Variants in OSMR observed in about 807,000 individuals in gnomAD.
OSMR encodes the protein oncostatin M receptor, also known as oncostatin-M-specific receptor subunit beta.
OSMR carries 81 observed loss-of-function variants against 99.9 expected under a neutral mutation model. That is an observed-to-expected ratio of 0.81 (90% confidence interval 0.68 to 0.97). OSMR has a LOEUF of 0.97. OSMR is among the 50% of genes least tolerant of loss of function. The probability of loss-of-function intolerance (pLI) is 0.00; values close to 1 mark genes in which losing one functional copy is unlikely to be tolerated. For synonymous variants in OSMR, 406 were observed against 410.4 expected, an observed-to-expected ratio of 0.99 and a Z score of 0.13; for missense variants, 1,099 against 1,153.4, an observed-to-expected ratio of 0.95 and a Z score of 0.68.
At chr5:38,914,468 C>T (rs929309786) in intron 9 of OSMR, among the ~76,000 whole-genome samples, 2 of 152,168 alleles carry the variant, frequency 1.3e-5, no homozygotes, top group African/African-American at 2.4e-5. Flanking sequence ...GGAGATTTCT[C>T]AAAACAGAGC....
At chr5:38,900,395 C>A (rs1744817340) in intron 7 of OSMR, among the ~76,000 whole-genome samples, 1 of 152,172 alleles carries the variant, frequency 6.6e-6, no homozygotes, top group Non-Finnish European at 1.5e-5. Context: ...TGAGTGCCTA[C>A]TTGACTTTTC....
In OSMR at chr5:38,883,809, T is replaced by C; in HGVS notation, c.419-18T>C. ...ATTTTGAGTGCGATTCTAACTTGGCTATTTTTTTTTCTTGCAGTACAAGAT... is the reference window on the plus strand; with the variant it reads ...ATTTTGAGTGCGATTCTAACTTGGCCATTTTTTTTTCTTGCAGTACAAGAT... On this transcript the variant is annotated intron_variant, in intron 4 of 17. Coordinates refer to ENST00000274276, the MANE Select transcript of OSMR (RefSeq NM_003999.3). The C allele has an allele frequency of 6.2e-7, 1 of 1,612,234 alleles. No individual in the cohort carries two copies. The highest frequency in any genetic ancestry group is 8.5e-7 in the Non-Finnish European group (1 of 1,179,964).
chr5:38,919,452 G>A, intron 11 of OSMR: 1 of 856,668 alleles, frequency 1.2e-6, no homozygotes, highest in Non-Finnish European at 1.6e-6. Flanking sequence ...GTCAGTCTTT[G>A]CACCTGGAAA....
At chr5:38,909,297 A>T (rs1039817293) in intron 9 of OSMR, among the ~76,000 whole-genome samples, 1 of 152,222 alleles carries the variant, frequency 6.6e-6, no homozygotes, top group African/African-American at 2.4e-5. Flanking sequence ...AACATATTTG[A>T]GGATATTATT....
At chr5:38,909,935 G>A (rs1270486876) in intron 9 of OSMR, among the ~76,000 whole-genome samples, 4 of 152,332 alleles carry the variant, frequency 2.6e-5, no homozygotes, top group South Asian at 2.1e-4. Context: ...AGAGTGGCAA[G>A]TTGGAGAAAG....
At chr5:38,869,345 C>T (rs1742193596) in intron 2 of OSMR, among the ~76,000 whole-genome samples, 1 of 152,194 alleles carries the variant, frequency 6.6e-6, no homozygotes, top group Admixed American at 6.5e-5. Flanking sequence ...CCCTGACTTC[C>T]TGGTCAGTGC....
At position 38,852,718 on chromosome 5, in the gene OSMR, ATTTTTTTTTT is replaced by A. The variant is rs61559728; in HGVS notation, c.-14+6352_-14+6361del. On this transcript the variant is annotated intron_variant, in intron 1 of 17. Transcript: ENST00000274276. ...GATACATATTGAAACTATTGTTTTC[ATTTTTTTTTT>A]TTTTTTTTTTTTTTTTTTTTGAGAC... 9.7e-3 allele frequency among the ~76,000 whole-genome samples: 683 copies of A among 70,646 alleles called. 8 individuals carry two copies. Among genetic ancestry groups the A allele is most frequent in the African/African-American group, 0.034 (642 of 18,660 alleles). 46.3% of individuals were successfully genotyped at this position (70,646 alleles called of 152,430 possible).
At chr5:38,928,607 A>G (rs899162995) in intron 15 of OSMR, among the ~76,000 whole-genome samples, 2 of 152,082 alleles carry the variant, frequency 1.3e-5, no homozygotes, top group Non-Finnish European at 2.9e-5. Context: ...CCATGATTCA[A>G]TTGCCTCCCA....
At chr5:38,886,002 C>G (rs1303303082) in intron 6 of OSMR, 37 bp from the exon 7 acceptor site, 1 of 1,609,748 alleles carries the variant, frequency 6.2e-7, no homozygotes, top group East Asian at 2.2e-5. Flanking sequence ...AAGTAAAAAC[C>G]TCGTAATGGT....
At chr5:38,929,737 C>A (rs1355602797) in intron 15 of OSMR, among the ~76,000 whole-genome samples, 1 of 152,056 alleles carries the variant, frequency 6.6e-6, no homozygotes, top group Admixed American at 6.6e-5. Flanking sequence ...CCTACATAAA[C>A]CCTAAAGAAA....
In OSMR at chr5:38,917,614, T is replaced by C; in HGVS notation, c.1354T>C (p.Phe452Leu). The change falls in exon 10 of 18, where the codon TTC becomes CTC. Residue 452 changes from phenylalanine to leucine, a missense_variant. Phe to Leu is a conservative substitution (Grantham distance 22, BLOSUM62 0). Coordinates refer to ENST00000274276, the MANE Select transcript of OSMR (RefSeq NM_003999.3). ...LEPGNHTVTL[F>L]WKPLSKLHAN... ...GCCAGGAAATCATACTGTGACCTTA[T>C]TCTGGAAGGTAAGATGTGCAGATTC... 1.2e-6 allele frequency: 2 copies of C among 1,611,564 alleles called. No individual in the cohort carries two copies. Among genetic ancestry groups the C allele is most frequent in the South Asian group, 2.2e-5 (2 of 91,048 alleles).
intron 7 of OSMR, chr5:38,903,665 C>A (rs576114222): frequency 1.8e-6 from 1 of 567,464 alleles, no homozygotes; most frequent in Admixed American, 6.4e-5. Flanking sequence ...CAAGTAGTTT[C>A]TTTTTGTATT....
At chr5:38,851,964 T>C (rs887068969) in intron 1 of OSMR, among the ~76,000 whole-genome samples, 3 of 152,238 alleles carry the variant, frequency 2.0e-5, no homozygotes, top group African/African-American at 4.8e-5. Context: ...CCTTCCACCA[T>C]GACTGTGAGG....
rs145744145 is a variant in OSMR, at chr5:38,910,316, T to C, written c.1285+5813T>C. Among the ~76,000 whole-genome samples, 355 of 152,272 alleles carry C rather than the reference T, an allele frequency of 2.3e-3. 2 individuals carry two copies. Among genetic ancestry groups the C allele is most frequent in the Non-Finnish European group, 3.2e-3 (219 of 68,026 alleles). On this transcript the variant is annotated intron_variant, in intron 9 of 17. Transcript: ENST00000274276. ...TTTGCTGACAGTATTACATGAATTA[T>C]CAGGGCAGAAAACTAACAAAGATAG...
At chr5:38,885,947 C>T in intron 6 of OSMR, 92 bp from the exon 7 acceptor site, 1 of 1,542,786 alleles carries the variant, frequency 6.5e-7, no homozygotes, top group Non-Finnish European at 8.7e-7. Context: ...GTTTGACAGT[C>T]ACTGAGTATG....
At chr5:38,938,605 T>C (rs1366318550), downstream of OSMR, 1 of 232,710 alleles carries the variant, frequency 4.3e-6, no homozygotes, top group Non-Finnish European at 8.5e-6. Context: ...AGGAAAAAAG[T>C]CCACATTCTG....
At chr5:38,940,551 TA>T (rs1747451861), downstream of OSMR, 1 of 232,540 alleles carries the variant, frequency 4.3e-6, no homozygotes, top group East Asian at 6.1e-5. Context: ...TGATAAAGTA[TA>T]AAAAAATTAT....
chr5:38,864,435 T>A (rs564243929), intron 1 of OSMR, among the ~76,000 whole-genome samples: 1 of 152,320 alleles, frequency 6.6e-6, no homozygotes, highest in African/African-American at 2.4e-5. Flanking sequence ...CTTGTAGGGC[T>A]GGTGTAGAGG....
chr5:38,849,022 C>T (rs1740138825), intron 1 of OSMR, among the ~76,000 whole-genome samples: 1 of 152,160 alleles, frequency 6.6e-6, no homozygotes, highest in Non-Finnish European at 1.5e-5. Flanking sequence ...AAGCAGTCCA[C>T]CTGCCTTGGC....
Sources: gnomAD v4.1 joint callset for allele counts (sites outside exome capture counted in the v4.1 genomes callset) on GRCh38, gnomAD v4.1.1 for gene constraint, MANE v1.5 for transcripts, NCBI Gene and HGNC (gene_info 2026-07-23, HGNC 2026-07-21) for gene names.